Variants in SLCO5A1 observed in about 807,000 individuals in gnomAD.
SLCO5A1 encodes organic anion transporter polypeptide-related protein 4.
In SLCO5A1, 39 loss-of-function variants were observed where a neutral mutation model predicts 65.1. That is an observed-to-expected ratio of 0.60 (90% confidence interval 0.46 to 0.78). The LOEUF (loss-of-function observed/expected upper bound fraction) is 0.78, where lower values mean the gene tolerates loss of function less well. Ranked by LOEUF, SLCO5A1 falls within the 30% of genes least tolerant of loss-of-function variation. The pLI is 0.00. For synonymous variants in SLCO5A1, 438 were observed against 415.7 expected (o/e 1.05, Z -0.65); for missense variants, 1,029 against 1,069.4 (o/e 0.96, Z 0.53).
At chr8:69,682,129 A>G in intron 7 of SLCO5A1, 55 bp downstream of exon 7, 4 of 1,556,478 alleles carry the variant, frequency 2.6e-6, no homozygotes, top group Non-Finnish European at 3.5e-6. Flanking sequence ...ATTTCATCAC[A>G]TCCTTGTCAC....
rs1586667134 is a variant in SLCO5A1, at chr8:69,673,469, C to T, written c.2090-143G>A. ...TTGTGTTACCAGATTTTTTTTAAGA[C>T]GCATCATATTTTATCACAATATATT... On this transcript the variant is annotated intron_variant, in intron 9 of 9. Transcript: ENST00000260126. The T allele has an allele frequency of 9.1e-6, 6 of 660,634 alleles. No individual in the cohort carries two copies. In the East Asian group the frequency reaches 1.1e-4, roughly 12 times the overall value. 40.9% of individuals were successfully genotyped at this position (660,634 alleles called of 1,614,324 possible). A position where few individuals can be genotyped will look rare whatever the true frequency, so the allele number is the denominator to read the frequency against.
At chr8:69,749,151 C>T (rs1479616992) in intron 4 of SLCO5A1, among the ~76,000 whole-genome samples, 2 of 152,152 alleles carry the variant, frequency 1.3e-5, no homozygotes, top group Non-Finnish European at 2.9e-5. Flanking sequence ...TCCAAAACAC[C>T]TAGCAAAGGA....
At chr8:69,742,017 T>C (rs1816804377) in intron 4 of SLCO5A1, among the ~76,000 whole-genome samples, 1 of 152,184 alleles carries the variant, frequency 6.6e-6, no homozygotes, top group South Asian at 2.1e-4. Flanking sequence ...TCAATGTGAA[T>C]TGCCTGATTC....
intron 5 of SLCO5A1, among the ~76,000 whole-genome samples, chr8:69,729,456 A>G (rs1816239237): frequency 6.6e-6 from 1 of 150,784 alleles, no homozygotes; most frequent in Admixed American, 6.6e-5. Flanking sequence ...CAAAAAAAAA[A>G]AAAAAAAAAA....
intron 4 of SLCO5A1, among the ~76,000 whole-genome samples, chr8:69,750,138 T>C (rs2130854221): frequency 6.6e-6 from 1 of 152,118 alleles, no homozygotes; most frequent in East Asian, 1.9e-4. Context: ...AAATCATAGG[T>C]CATAAAGGAG....
At chr8:69,683,567 CT>C (rs199891720) in intron 6 of SLCO5A1, among the ~76,000 whole-genome samples, 18,377 of 147,014 alleles carry the variant, frequency 0.13, 1,279 homozygotes, top group Non-Finnish European at 0.17. Context: ...CAAGACTTAT[CT>C]TTTTTTTTTT....
Position 69,754,786 on chromosome 8 carries a change from A to C in SLCO5A1, c.1258+638T>G, listed in dbSNP as rs570227254. ...TTTAAGAGAAATAAAAATGAAAAAA[A>C]ATAAACCATATATCACCAAGACCTT... On this transcript the variant is annotated intron_variant, in intron 4 of 9. Transcript: ENST00000260126. 1.4e-4 allele frequency among the ~76,000 whole-genome samples: 22 copies of C among 152,322 alleles called. No homozygotes were observed. The South Asian group carries it at 4.3e-3, about 30-fold the overall frequency.
intron 2 of SLCO5A1, among the ~76,000 whole-genome samples, chr8:69,811,331 A>G (rs1409421753): frequency 2.0e-5 from 3 of 152,332 alleles, no homozygotes; most frequent in Non-Finnish European, 4.4e-5. Flanking sequence ...AGCCCATAGC[A>G]AGAGCATCTT....
intron 3 of SLCO5A1, among the ~76,000 whole-genome samples, chr8:69,758,414 A>G (rs565106913): frequency 1.8e-4 from 27 of 152,230 alleles, no homozygotes; most frequent in African/African-American, 5.5e-4. Context: ...TCCTGGGCTC[A>G]AGTGATCTGC....
chr8:69,753,575 T>C (rs1033152813), intron 4 of SLCO5A1, among the ~76,000 whole-genome samples: 2 of 152,204 alleles, frequency 1.3e-5, no homozygotes, highest in Non-Finnish European at 2.9e-5. Flanking sequence ...ATATCAATCT[T>C]CTCCCCGCTT....
chr8:69,697,336 G>T (rs2130803659), intron 6 of SLCO5A1, among the ~76,000 whole-genome samples: 1 of 152,280 alleles, frequency 6.6e-6, no homozygotes, highest in South Asian at 2.1e-4. Flanking sequence ...GTTGCAGTGA[G>T]CCGAGATTGT....
intron 5 of SLCO5A1, among the ~76,000 whole-genome samples, chr8:69,723,823 G>T (rs1055366886): frequency 6.7e-6 from 1 of 150,052 alleles, no homozygotes; most frequent in African/African-American, 2.5e-5. Context: ...TCCAGGACAG[G>T]GTGCAATGGC....
Position 69,832,637 on chromosome 8 carries a change from C to T in SLCO5A1, c.37G>A (p.Glu13Lys). ...GCAGTGGCCGGCGCCTCCAGCTGCT[C>T]TCCCGCCCCGGGCTGCAGTCCAGTG... ...EGTGLQPGAG[E>K]QLEAPATAEA... is the part of the protein sequence containing the mutation. The change falls in exon 2 of 10, where the codon GAG becomes AAG. Residue 13 changes from glutamate to lysine, a missense_variant. Glu to Lys is a moderately conservative substitution (Grantham distance 56, BLOSUM62 1). Transcript: ENST00000260126. This position sits in a 1 kb window ranked among gnomAD's most constrained non-coding sequence, Gnocchi z 4.5. 1 of 1,607,934 alleles carries T rather than the reference C, an allele frequency of 6.2e-7. No homozygotes were observed. Among genetic ancestry groups the T allele is most frequent in the South Asian group, 1.1e-5 (1 of 91,018 alleles).
intron 6 of SLCO5A1, among the ~76,000 whole-genome samples, chr8:69,698,760 G>C (rs1268877792): frequency 1.3e-5 from 2 of 152,186 alleles, no homozygotes; most frequent in South Asian, 4.1e-4. Context: ...CAATGTGAAA[G>C]AACAAAGATG....
At chr8:69,720,747 C>T (rs1249487809) in intron 5 of SLCO5A1, among the ~76,000 whole-genome samples, 2 of 152,154 alleles carry the variant, frequency 1.3e-5, no homozygotes, top group African/African-American at 2.4e-5. Flanking sequence ...TTTGGAAGGG[C>T]GCTAGAGCAG....
At chr8:69,766,527 GC>G (rs1270319912) in intron 2 of SLCO5A1, among the ~76,000 whole-genome samples, 2 of 152,022 alleles carry the variant, frequency 1.3e-5, no homozygotes, top group African/African-American at 4.8e-5. Flanking sequence ...GTGTGTGTAT[GC>G]ATGTGTGTGT....
chr8:69,738,763 C>CT (rs1457721125), intron 4 of SLCO5A1, among the ~76,000 whole-genome samples: 2 of 152,156 alleles, frequency 1.3e-5, no homozygotes, highest in African/African-American at 4.8e-5. Context: ...GTCAGACACT[C>CT]TGAGGTGCTT....
intron 2 of SLCO5A1, among the ~76,000 whole-genome samples, chr8:69,792,890 A>C (rs1205421573): frequency 6.6e-6 from 1 of 152,174 alleles, no homozygotes; most frequent in African/African-American, 2.4e-5. Flanking sequence ...CTTTGGAAAA[A>C]AAATCATAGT....
chr8:69,757,559 A>T (rs1002166805), intron 3 of SLCO5A1, among the ~76,000 whole-genome samples: 5 of 152,212 alleles, frequency 3.3e-5, no homozygotes, highest in Admixed American at 6.5e-5. Context: ...AGTGCCTGTA[A>T]TCCCAGCTAC....
Sources: allele counts gnomAD v4.1 joint callset (sites outside exome capture counted in the v4.1 genomes callset), GRCh38; gene constraint gnomAD v4.1.1; non-coding constraint Gnocchi (gnomAD v3.1); transcripts MANE v1.5; gene names NCBI Gene and HGNC (gene_info 2026-07-23, HGNC 2026-07-21).